FNDC3A: variants seen among roughly 807,000 people sequenced by gnomAD.
The protein encoded by FNDC3A is fibronectin type-III domain-containing protein 3A.
In FNDC3A, 32 loss-of-function variants were observed where a neutral mutation model predicts 148.9. The ratio of observed to expected loss-of-function variants is 0.21; its 90% CI spans 0.16 to 0.29. The LOEUF is 0.29. Ranked by LOEUF, FNDC3A falls within the 10% of genes least tolerant of loss-of-function variation. The pLI is 1.00. For missense variants in FNDC3A, 1,191 were observed against 1,452.8 expected (o/e 0.82, Z 2.93); for synonymous variants, 472 against 473.6 (o/e 1.00, Z 0.04).
At chr13:49,028,986 T>C (rs1873925160) in intron 2 of FNDC3A, among the ~76,000 whole-genome samples, 2 of 152,190 alleles carry the variant, frequency 1.3e-5, no homozygotes, top group South Asian at 4.1e-4. Context: ...TAAGAATTTT[T>C]TTCTTGAGAC....
At chr13:49,147,101 G>A (rs950475446) in intron 8 of FNDC3A, among the ~76,000 whole-genome samples, 5 of 152,124 alleles carry the variant, frequency 3.3e-5, no homozygotes, top group Non-Finnish European at 4.4e-5. Flanking sequence ...CCTCTCTATT[G>A]AGATTTCCTT....
intron 8 of FNDC3A, among the ~76,000 whole-genome samples, chr13:49,159,339 C>A (rs1053823203): frequency 1.4e-4 from 21 of 152,194 alleles, no homozygotes; most frequent in Non-Finnish European, 2.6e-4. Flanking sequence ...CCTTCACATC[C>A]CTTGTAAGTT....
In FNDC3A at chr13:49,081,943, T is replaced by C. The variant is rs146255153; in HGVS notation, c.175+6579T>C. Among the ~76,000 whole-genome samples the C allele has an allele frequency of 9.1e-3, 1,370 of 151,352 alleles. 15 individuals carry two copies. The highest frequency in any genetic ancestry group is 0.024 in the Middle Eastern group (7 of 294). On this transcript the variant is annotated intron_variant, in intron 3 of 25. Coordinates refer to ENST00000492622, the MANE Select transcript of FNDC3A (RefSeq NM_001079673.2). ...CTCAGGATTTTGTTCTCTAGGGCTT[T>C]CTTTTGAGCCTGTTAAATCAGTACC...
At chr13:49,115,516 C>G (rs1880893309) in intron 4 of FNDC3A, among the ~76,000 whole-genome samples, 1 of 152,196 alleles carries the variant, frequency 6.6e-6, no homozygotes, top group African/African-American at 2.4e-5. Context: ...TCTGCACACT[C>G]TGTGAAGCAC....
In FNDC3A at chr13:49,197,786, G is replaced by C. The variant is rs770808355; in HGVS notation, c.2402G>C (p.Gly801Ala). ...CGACTGGAGTGGGGAGGAGTTGAAGGAAGTATGCAGATATGTTACTGTGGG... is the reference window on the plus strand; with the variant it reads ...CGACTGGAGTGGGGAGGAGTTGAAGCAAGTATGCAGATATGTTACTGTGGG... The part of the protein sequence containing the change: ...EYRLEWGGVE[G>A]SMQICYCGPG... Residue 801 changes from glycine to alanine, a missense_variant, in exon 21 of 26, where the codon GGA becomes GCA. This residue lies in a region of FNDC3A where 751 missense variants were observed against 944.0 expected (regional missense o/e 0.80). Transcript: ENST00000492622. The C allele has an allele frequency of 6.2e-7, 1 of 1,610,914 alleles. No homozygotes were observed. The highest frequency in any genetic ancestry group is 1.7e-5 in the Admixed American group (1 of 58,908).
chr13:48,991,197 A>G (rs1951909269), intron 1 of FNDC3A, among the ~76,000 whole-genome samples: 1 of 152,248 alleles, frequency 6.6e-6, no homozygotes, highest in African/African-American at 2.4e-5. Flanking sequence ...CACATCTACA[A>G]GAAATCCACT....
intron 4 of FNDC3A, among the ~76,000 whole-genome samples, chr13:49,125,326 T>C (rs557468205): frequency 3.3e-5 from 5 of 152,226 alleles, no homozygotes; most frequent in East Asian, 1.9e-4. Context: ...TGAAGAGATA[T>C]AGTAAGAACT....
intron 2 of FNDC3A, among the ~76,000 whole-genome samples, chr13:49,026,111 A>G (rs955580736): frequency 6.6e-6 from 1 of 152,212 alleles, no homozygotes; most frequent in African/African-American, 2.4e-5. Flanking sequence ...GTGTGAATCT[A>G]TACTATGGAT....
intron 2 of FNDC3A, among the ~76,000 whole-genome samples, chr13:49,073,806 ATATT>A (rs1566232858): frequency 3.4e-5 from 5 of 146,824 alleles, no homozygotes; most frequent in South Asian, 2.1e-4. Flanking sequence ...ATATGTATAT[ATATT>A]ATATATGTGT....
chr13:49,132,493 A>G (rs951937621), intron 5 of FNDC3A, among the ~76,000 whole-genome samples: 1 of 152,154 alleles, frequency 6.6e-6, no homozygotes, highest in East Asian at 1.9e-4. Flanking sequence ...GCCTCTACTC[A>G]CTAACTGCCA....
intron 8 of FNDC3A, among the ~76,000 whole-genome samples, chr13:49,165,937 G>A (rs907047783): frequency 6.6e-6 from 1 of 152,098 alleles, no homozygotes; most frequent in African/African-American, 2.4e-5. Flanking sequence ...GTGCTCAGGT[G>A]TGTGGCACAG....
intron 4 of FNDC3A, among the ~76,000 whole-genome samples, chr13:49,121,549 CAG>C (rs1881343655): frequency 6.6e-6 from 1 of 151,732 alleles, no homozygotes; most frequent in Non-Finnish European, 1.5e-5. Context: ...AAAAATCAAT[CAG>C]TTCAGGAGCT....
chr13:49,070,881 C>CTTTTTTTTTTTTTTTTTTTTTTTT (rs758290861), intron 2 of FNDC3A, among the ~76,000 whole-genome samples: 14 of 120,970 alleles, frequency 1.2e-4, no homozygotes, highest in Non-Finnish European at 1.5e-4. Flanking sequence ...AACAGGATTT[C>CTTTTTTTTTTTTTTTTTTTTTTTT]TTTTTTTTTT....
intron 1 of FNDC3A, among the ~76,000 whole-genome samples, chr13:48,998,130 G>C (rs1952058057): frequency 6.6e-6 from 1 of 152,144 alleles, no homozygotes. Flanking sequence ...GGCAATCCTT[G>C]TAATAAAGTG....
intron 3 of FNDC3A, among the ~76,000 whole-genome samples, chr13:49,088,611 A>T (rs1009754235): frequency 5.9e-5 from 9 of 152,094 alleles, no homozygotes; most frequent in African/African-American, 2.2e-4. Flanking sequence ...AGTATATTTA[A>T]CCCAGTGTAT....
At chr13:49,165,965 G>T (rs2138039114) in intron 8 of FNDC3A, among the ~76,000 whole-genome samples, 1 of 152,172 alleles carries the variant, frequency 6.6e-6, no homozygotes, top group East Asian at 1.9e-4. Context: ...ACTGGGCTAG[G>T]TAGTCCCCAG....
At chr13:49,150,497 AT>A (rs1883227223) in intron 8 of FNDC3A, among the ~76,000 whole-genome samples, 1 of 149,792 alleles carries the variant, frequency 6.7e-6, no homozygotes, top group Non-Finnish European at 1.5e-5. Flanking sequence ...TTTTTTTTTT[AT>A]TTCTTCCTTA....
chr13:49,022,489 T>C (rs527406161), intron 2 of FNDC3A, among the ~76,000 whole-genome samples: 13 of 152,148 alleles, frequency 8.5e-5, no homozygotes, highest in Non-Finnish European at 1.9e-4. Context: ...ATTTTTAAGT[T>C]CAAAAAGTTA....
intron 1 of FNDC3A, among the ~76,000 whole-genome samples, chr13:48,983,665 T>C (rs1490549712): frequency 6.6e-6 from 1 of 152,316 alleles, no homozygotes; most frequent in East Asian, 1.9e-4. Context: ...ACTTAGTAAA[T>C]AATATGATTA....
Sources: gnomAD v4.1 joint callset for allele counts (sites outside exome capture counted in the v4.1 genomes callset) on GRCh38, gnomAD v4.1.1 for gene constraint, gnomAD v4.1.1 regional missense constraint, MANE v1.5 for transcripts, NCBI Gene and HGNC (gene_info 2026-07-23, HGNC 2026-07-21) for gene names.